The following MGAT1 variants were observed in gnomAD, a reference collection of about 807,000 sequenced individuals.
MGAT1 encodes alpha-1,3-mannosyl-glycoprotein 2-beta-N-acetylglucosaminyltransferase.
Under a neutral mutation model 31.7 loss-of-function variants are expected in MGAT1, and 14 were observed. The ratio of observed to expected loss-of-function variants is 0.44; its 90% CI spans 0.29 to 0.69. The LOEUF (loss-of-function observed/expected upper bound fraction) is 0.69, where lower values mean the gene tolerates loss of function less well. Among genes scored for constraint, MGAT1 ranks in the 30% least tolerant of loss-of-function variants. The pLI is 0.12. For missense variants in MGAT1, 557 were observed against 626.0 expected (o/e 0.89, Z 1.18); for synonymous variants, 338 against 276.0 (o/e 1.22, Z -2.23).
intron 1 of MGAT1, among the ~76,000 whole-genome samples, chr5:180,812,540 TA>T (rs1772640516): frequency 9.7e-6 from 1 of 102,938 alleles, no homozygotes; most frequent in Non-Finnish European, 1.9e-5. Flanking sequence ...TCTTTCCAAA[TA>T]TTTTTTATAC....
intron 1 of MGAT1, among the ~76,000 whole-genome samples, chr5:180,815,018 C>A (rs945988226): frequency 2.6e-5 from 4 of 151,964 alleles, no homozygotes; most frequent in Non-Finnish European, 4.4e-5. Context: ...GAATTTATTT[C>A]TTACAGCTCT....
At chr5:180,794,695 C>T (rs552130375) in intron 1 of MGAT1, among the ~76,000 whole-genome samples, 123 of 151,854 alleles carry the variant, frequency 8.1e-4, no homozygotes, top group African/African-American at 2.8e-3. Flanking sequence ...GTGGTGCTGC[C>T]GGAGGTGGGG....
At position 180,791,698 on chromosome 5, in the gene MGAT1, CG is replaced by C; in HGVS notation, c.1273del (p.Arg425GlyfsTer11). On this transcript the variant is annotated frameshift_variant, in exon 2 of 2. Transcript: ENST00000307826. LOFTEE classifies it high-confidence loss of function. ...GYRGIVTFQF[R>X]GRRVHLAPPL... ...GGGCGCCAGGTGGACACGGCGGCCC[CG>C]GAACTGGAAGGTGACAATACCCCGG... 1 of 1,613,892 alleles carries C rather than the reference CG, an allele frequency of 6.2e-7. No homozygotes were observed. Among genetic ancestry groups the C allele is most frequent in the Non-Finnish European group, 8.5e-7 (1 of 1,180,022 alleles).
intron 1 of MGAT1, chr5:180,811,077 A>G (rs1772527809): frequency 6.6e-6 from 1 of 152,208 alleles, no homozygotes; most frequent in South Asian, 2.1e-4. Flanking sequence ...CGCTGAATCC[A>G]GGGGAGCCGC....
intron 1 of MGAT1, among the ~76,000 whole-genome samples, chr5:180,794,735 G>A (rs374136674): frequency 6.6e-6 from 1 of 152,072 alleles, no homozygotes; most frequent in Non-Finnish European, 1.5e-5. Context: ...ATCACAAGGG[G>A]GGCAGGGGCA....
At chr5:180,793,597 A>C (rs1252101674) in intron 1 of MGAT1, among the ~76,000 whole-genome samples, 1 of 152,236 alleles carries the variant, frequency 6.6e-6, no homozygotes, top group Non-Finnish European at 1.5e-5. Context: ...CAGCCAATGC[A>C]AATGAACCAA....
At chr5:180,807,391 G>C (rs1561876307), upstream of MGAT1, among the ~76,000 whole-genome samples, 1 of 152,164 alleles carries the variant, frequency 6.6e-6, no homozygotes, top group Non-Finnish European at 1.5e-5. Context: ...AGGTAAATTG[G>C]AATTGAAGGA....
rs1347379244 is a variant in MGAT1, at chr5:180,792,706, G to A, written c.266C>T (p.Ala89Val). 3.2e-6 allele frequency: 5 copies of A among 1,550,604 alleles called. No homozygotes were observed. The South Asian group carries it at 4.8e-5, about 15-fold the overall frequency. ...LSSQRGRVPT[A>V]APPAQPRVPV... ...CACACGCGGCTGGGCGGGAGGGGCC[G>A]CGGTGGGCACCCTCCCCCGCTGGCT... The change falls in exon 2 of 2, where the codon GCG becomes GTG. Residue 89 changes from alanine (A) to valine (V), a missense_variant. Transcript: ENST00000307826.
intron 1 of MGAT1, among the ~76,000 whole-genome samples, chr5:180,797,581 C>A (rs961683236): frequency 3.7e-4 from 57 of 152,284 alleles, no homozygotes; most frequent in Middle Eastern, 3.4e-3. Flanking sequence ...GTGGCCCACA[C>A]CCACTACCTG....
exon 2 of MGAT1, chr5:180,808,889 C>T (rs1207400209): frequency 6.6e-6 from 1 of 152,256 alleles, no homozygotes; most frequent in African/African-American, 2.4e-5. Context: ...CCGTTACCTC[C>T]CTTCATTCAG....
In MGAT1 at chr5:180,785,629, T is replaced by C. The variant is rs1310000801; in HGVS notation, c.*6005A>G. On this transcript the variant is annotated 3_prime_UTR_variant, in exon 2 of 2. Transcript: ENST00000307826. ...CCAGGAAGAGGCTGTCTCCCTGCCA[T>C]GACCTAATCTAGCAGCCACACAGCC... 1 of 152,316 alleles carries C rather than the reference T, an allele frequency of 6.6e-6. No individual in the cohort carries two copies. Among genetic ancestry groups the C allele is most frequent in the Non-Finnish European group, 1.5e-5 (1 of 68,096 alleles). 9.4% of individuals were successfully genotyped at this position (152,316 alleles called of 1,614,324 possible). A position where few individuals can be genotyped will look rare whatever the true frequency, so the allele number is the denominator to read the frequency against.
chr5:180,809,795 A>G (rs1772341465), intron 1 of MGAT1: 1 of 137,934 alleles, frequency 7.2e-6, no homozygotes, highest in Admixed American at 7.4e-5. Context: ...ACACACACAC[A>G]TCCATTCTCT....
chr5:180,804,196 T>A (rs1207586060), upstream of MGAT1, among the ~76,000 whole-genome samples: 1 of 152,176 alleles, frequency 6.6e-6, no homozygotes, highest in Non-Finnish European at 1.5e-5. Flanking sequence ...GGAGTGAGCG[T>A]TATCATCCCC....
intron 1 of MGAT1, among the ~76,000 whole-genome samples, chr5:180,799,515 T>A (rs1321716949): frequency 2.0e-5 from 3 of 152,190 alleles, no homozygotes; most frequent in Non-Finnish European, 4.4e-5. Context: ...GTGGCCACGC[T>A]GACCTGACTC....
At chr5:180,811,771 A>G (rs1353560940) in intron 1 of MGAT1, among the ~76,000 whole-genome samples, 1 of 152,174 alleles carries the variant, frequency 6.6e-6, no homozygotes, top group Admixed American at 6.5e-5. Context: ...TAAAACGCCA[A>G]AGTCCTTACA....
intron 1 of MGAT1, among the ~76,000 whole-genome samples, chr5:180,801,910 G>A (rs1028995383): frequency 1.3e-5 from 2 of 152,238 alleles, no homozygotes; most frequent in African/African-American, 4.8e-5. Context: ...ATGGTCCCCA[G>A]AATTGGGAAG....
At chr5:180,804,876 A>C (rs1350662931), upstream of MGAT1, among the ~76,000 whole-genome samples, 1 of 152,102 alleles carries the variant, frequency 6.6e-6, no homozygotes, top group Non-Finnish European at 1.5e-5. Flanking sequence ...ACTGTAACGC[A>C]CACCCCATCT....
Position 180,792,736 on chromosome 5 carries a change from A to C in MGAT1, c.236T>G (p.Leu79Arg). ...GGGCACCCTCCCCCGCTGGCTCGAC[A>C]GGGCATCCCCGATCTGCTGCAGCAG... is the stretch of plus-strand genomic sequence containing the variant. ...RGLLQQIGDA[L>R]SSQRGRVPTA... is the part of the protein sequence containing the mutation. Residue 79 changes from leucine to arginine, a missense_variant, in exon 2 of 2, where the codon CTG (leucine) becomes CGG (arginine). Leu to Arg is a moderately radical substitution (Grantham distance 102, BLOSUM62 -2). Around this residue, in one of 3 missense-constraint regions of MGAT1, gnomAD observed 167 missense variants for 149.8 expected, o/e 1.11. Transcript: ENST00000307826. The C allele has an allele frequency of 6.5e-7, 1 of 1,547,496 alleles. No individual in the cohort carries two copies. The highest frequency in any genetic ancestry group is 1.4e-5 in the African/African-American group (1 of 73,328).
chr5:180,792,072 C>T lies in MGAT1; in HGVS notation c.900G>A (p.Gly300=), dbSNP rs775842619. ...AGATCTCAGGGCGTATGCAGGCCCG[C>T]CCCTGCCGCTGCTCCGGCCGCCGCA... ...DWMRRPEQRQ[G]RACIRPEISR... Residue 300 remains glycine, a synonymous_variant, in exon 2 of 2, where the codon GGG becomes GGA. Coordinates refer to ENST00000307826, the MANE Select transcript of MGAT1 (RefSeq NM_002406.4). 11 of 1,613,008 alleles carry T rather than the reference C, an allele frequency of 6.8e-6. No individual in the cohort carries two copies. In the East Asian group the frequency reaches 8.9e-5, roughly 13 times the overall value.
Sources: allele counts gnomAD v4.1 joint callset (sites outside exome capture counted in the v4.1 genomes callset), GRCh38; gene constraint gnomAD v4.1.1; regional missense constraint gnomAD v4.1.1; transcripts MANE v1.5; gene names NCBI Gene and HGNC (gene_info 2026-07-23, HGNC 2026-07-21).